Variants in CALN1 observed in about 807,000 individuals in gnomAD.
CALN1 encodes the protein calcium-binding protein 8.
CALN1 carries 17 observed loss-of-function variants against 30.6 expected under a neutral mutation model. The observed-to-expected ratio is 0.56, with a 90% CI of 0.38 to 0.83. The LOEUF is 0.83. Among genes scored for constraint, CALN1 ranks in the 40% least tolerant of loss-of-function variants. The pLI, the probability that CALN1 is intolerant of heterozygous loss-of-function variation, is 0.00. For missense variants in CALN1, 291 were observed against 354.9 expected, an observed-to-expected ratio of 0.82 and a Z score of 1.45; for synonymous variants, 156 against 131.4, an observed-to-expected ratio of 1.19 and a Z score of -1.28.
chr7:72,101,344 G>A (rs769614559), intron 4 of CALN1, among the ~76,000 whole-genome samples: 3 of 152,164 alleles, frequency 2.0e-5, no homozygotes, highest in South Asian at 4.1e-4. Context: ...ATTTCAAGGA[G>A]GAAACTTTTT....
intron 2 of CALN1, among the ~76,000 whole-genome samples, chr7:72,352,179 C>G (rs1400493569): frequency 6.7e-6 from 1 of 148,890 alleles, no homozygotes; most frequent in Non-Finnish European, 1.5e-5. Context: ...AACAAACAAA[C>G]AAACAAAAAA....
At chr7:71,968,626 C>T (rs1381408634) in intron 5 of CALN1, among the ~76,000 whole-genome samples, 1 of 152,080 alleles carries the variant, frequency 6.6e-6, no homozygotes, top group East Asian at 1.9e-4. Flanking sequence ...AAGTGATCTG[C>T]CCATCTCCGC....
At chr7:71,945,737 G>A (rs1215551110) in intron 5 of CALN1, among the ~76,000 whole-genome samples, 1 of 151,954 alleles carries the variant, frequency 6.6e-6, no homozygotes, top group Non-Finnish European at 1.5e-5. Flanking sequence ...ACAGGCTCAG[G>A]GCTTCCACTG....
intron 5 of CALN1, among the ~76,000 whole-genome samples, chr7:71,941,427 C>T: frequency 6.6e-6 from 1 of 151,552 alleles, no homozygotes; most frequent in East Asian, 1.9e-4. Flanking sequence ...ACTGAGAAGG[C>T]AATATTTGAA....
intron 5 of CALN1, among the ~76,000 whole-genome samples, chr7:71,988,324 T>C (rs141615829): frequency 3.9e-5 from 6 of 152,196 alleles, no homozygotes; most frequent in African/African-American, 1.2e-4. Flanking sequence ...AAGCAGCCAG[T>C]TGGCTCCAGC....
rs993372709 is a variant in CALN1 at position 72,400,450 on chromosome 7, G to C, written c.119+2801C>G. ...TTCCACATCCTTCTAGGTCCTTGAT[G>C]ATGAGCTAAATTTTGAACCGGCCAT... On this transcript the variant is annotated intron_variant, in intron 2 of 6. Coordinates refer to ENST00000395275, the MANE Select transcript of CALN1 (RefSeq NM_031468.4). Among the ~76,000 whole-genome samples the C allele has an allele frequency of 7.9e-5, 12 of 152,312 alleles. No individual in the cohort carries two copies. In the South Asian group the frequency reaches 1.0e-3, roughly 13 times the overall value.
chr7:72,336,824 C>T (rs1042437267), intron 2 of CALN1: 1 of 985,064 alleles, frequency 1.0e-6, no homozygotes, highest in African/African-American at 1.7e-5. Context: ...GCGGGCAGCG[C>T]TCAGCCTCTC....
chr7:72,039,851 A>C (rs1272052289), intron 4 of CALN1, among the ~76,000 whole-genome samples: 1 of 152,128 alleles, frequency 6.6e-6, no homozygotes, highest in Non-Finnish European at 1.5e-5. Context: ...AGACCCCCCC[A>C]AGCAGGCTCC....
chr7:72,042,920 G>T (rs575835824), intron 4 of CALN1, among the ~76,000 whole-genome samples: 35 of 152,200 alleles, frequency 2.3e-4, no homozygotes, highest in African/African-American at 7.7e-4. Flanking sequence ...CCATCCTAAG[G>T]ATATCTTGCT....
chr7:72,395,444 T>C (rs937129248), intron 2 of CALN1, among the ~76,000 whole-genome samples: 9 of 152,210 alleles, frequency 5.9e-5, no homozygotes, highest in Admixed American at 5.9e-4. Flanking sequence ...ACCATTTTCT[T>C]GGCTGTAGGG....
chr7:72,400,328 T>A (rs1027439145), intron 2 of CALN1, among the ~76,000 whole-genome samples: 4 of 152,114 alleles, frequency 2.6e-5, no homozygotes, highest in Non-Finnish European at 4.4e-5. Flanking sequence ...GAGACCACAC[T>A]GATTCCTCCA....
chr7:72,045,688 C>G (rs1298108736), intron 4 of CALN1, among the ~76,000 whole-genome samples: 1 of 152,126 alleles, frequency 6.6e-6, no homozygotes, highest in Non-Finnish European at 1.5e-5. Context: ...AACACCATGC[C>G]TGATTCATTT....
chr7:72,501,370 T>TAAAAAAAAAAAA, the CALN1 span, among the ~76,000 whole-genome samples: 7 of 42,806 alleles, frequency 1.6e-4, no homozygotes, highest in African/African-American at 2.0e-4. Context: ...ACGTCTCTAT[T>TAAAAAAAAAAAA]AAAAAAAAAA....
chr7:71,829,945 G>A (rs945669416), intron 5 of CALN1, among the ~76,000 whole-genome samples: 6 of 151,978 alleles, frequency 3.9e-5, no homozygotes, highest in African/African-American at 1.5e-4. Flanking sequence ...TCTGAGTGAA[G>A]ATGAGGACTT....
intron 4 of CALN1, among the ~76,000 whole-genome samples, chr7:72,040,128 A>C (rs1008633790): frequency 6.6e-6 from 1 of 152,176 alleles, no homozygotes; most frequent in Non-Finnish European, 1.5e-5. Context: ...AAAAAATTCA[A>C]CTATTTCCCA....
At chr7:72,391,549 C>A (rs1475924824) in intron 2 of CALN1, among the ~76,000 whole-genome samples, 1 of 152,130 alleles carries the variant, frequency 6.6e-6, no homozygotes, top group African/African-American at 2.4e-5. Flanking sequence ...CAAATCTCAT[C>A]TTGAATTGTA....
intron 2 of CALN1, among the ~76,000 whole-genome samples, chr7:72,335,804 G>A (rs1206012320): frequency 6.6e-6 from 1 of 152,206 alleles, no homozygotes; most frequent in Non-Finnish European, 1.5e-5. Flanking sequence ...TAAGACGCAA[G>A]CCGATCCCCT....
chr7:71,847,733 A>AAAG (rs1562835340), intron 5 of CALN1, among the ~76,000 whole-genome samples: 10 of 128,506 alleles, frequency 7.8e-5, no homozygotes, highest in African/African-American at 2.8e-4. Context: ...AAGAAAGAAG[A>AAAG]AAGAAGAAAG....
intron 5 of CALN1, among the ~76,000 whole-genome samples, chr7:71,874,639 T>A (rs1186146524): frequency 6.6e-6 from 1 of 152,160 alleles, no homozygotes; most frequent in African/African-American, 2.4e-5. Context: ...AGAAAACAAC[T>A]TTATTTTTCT....
Sources: allele counts gnomAD v4.1 joint callset (sites outside exome capture counted in the v4.1 genomes callset), GRCh38; gene constraint gnomAD v4.1.1; transcripts MANE v1.5; gene names NCBI Gene and HGNC (gene_info 2026-07-23, HGNC 2026-07-21).